IL4R: variants seen among roughly 807,000 people sequenced by gnomAD.
IL4R encodes the protein interleukin 4 receptor, also known as interleukin-4 receptor subunit alpha.
IL4R carries 17 observed loss-of-function variants against 41.5 expected under a neutral mutation model. The observed-to-expected ratio is 0.41, with a 90% CI of 0.28 to 0.61. The LOEUF is 0.61. Ranked by LOEUF, IL4R falls within the 20% of genes least tolerant of loss-of-function variation. The pLI is 0.31. For missense variants in IL4R, 974 were observed against 1,043.1 expected (o/e 0.93, Z 0.91); for synonymous variants, 402 against 422.9 (o/e 0.95, Z 0.61).
chr16:27,321,618 C>G (rs1280891284), intron 1 of IL4R, among the ~76,000 whole-genome samples: 1 of 152,198 alleles, frequency 6.6e-6, no homozygotes, highest in Non-Finnish European at 1.5e-5. Context: ...TGCTGTTAAT[C>G]CAAGTTTCTT....
intron 1 of IL4R, among the ~76,000 whole-genome samples, chr16:27,316,841 A>G (rs752751619): frequency 2.0e-5 from 3 of 152,106 alleles, no homozygotes; most frequent in Non-Finnish European, 4.4e-5. Context: ...ATGAGTTAAT[A>G]TATGTCAAGC....
intron 2 of IL4R, among the ~76,000 whole-genome samples, chr16:27,333,540 T>G (rs1229931778): frequency 6.6e-6 from 1 of 152,116 alleles, no homozygotes; most frequent in Non-Finnish European, 1.5e-5. Context: ...GGCCTCAGTT[T>G]CCTTAGCTAG....
In IL4R at chr16:27,352,625, G is replaced by T; in HGVS notation, c.599G>T (p.Arg200Leu). ...AAGTCTGGGATTTCCTACAGGGCAC[G>T]GGTGAGGGCCTGGGCTCAGTGCTAT... ...TLKSGISYRA[R>L]VRAWAQCYNT... The change falls in exon 7 of 11, where the codon CGG becomes CTG. Residue 200 changes from arginine (R) to leucine (L), a missense_variant. Arg to Leu is a moderately radical substitution (Grantham distance 102). Coordinates refer to ENST00000395762, the MANE Select transcript of IL4R (RefSeq NM_000418.4). 1 of 1,614,184 alleles carries T rather than the reference G, an allele frequency of 6.2e-7. No individual in the cohort carries two copies. Among genetic ancestry groups the T allele is most frequent in the East Asian group, 2.2e-5 (1 of 44,880 alleles).
At chr16:27,317,573 G>A (rs1439197622) in intron 1 of IL4R, among the ~76,000 whole-genome samples, 1 of 152,188 alleles carries the variant, frequency 6.6e-6, no homozygotes, top group Non-Finnish European at 1.5e-5. Flanking sequence ...GGCTTGAGGT[G>A]CTACAGAGGC....
chr16:27,352,471 G>A, intron 6 of IL4R, 69 bp from the exon 7 acceptor site: 1 of 1,394,448 alleles, frequency 7.2e-7, no homozygotes, highest in Non-Finnish European at 1.0e-6. Context: ...GCTAACGACA[G>A]CAACCAGGGT....
At chr16:27,341,955 C>A in intron 3 of IL4R, 166 bp from the exon 4 acceptor site, 1 of 647,684 alleles carries the variant, frequency 1.5e-6, no homozygotes, top group Non-Finnish European at 2.6e-6. Flanking sequence ...CCGACACTAG[C>A]TGGGAAGCTC....
chr16:27,326,946 T>A (rs1490752743), intron 1 of IL4R, among the ~76,000 whole-genome samples: 1 of 152,086 alleles, frequency 6.6e-6, no homozygotes, highest in Non-Finnish European at 1.5e-5. Context: ...AAACCCCAGT[T>A]CTAGGTAGGT....
In IL4R at chr16:27,362,291, T is replaced by C. The variant is rs2234897; in HGVS notation, c.939T>C (p.Phe313=). ...KNCLTKLLPC[F]LEHNMKRDED... is the part of the protein sequence containing the mutation. The stretch of plus-strand genomic sequence containing the variant: ...GTCTTACCAAGCTCTTGCCCTGTTT[T>C]CTGGAGCACAACATGAAAAGGGATG... Residue 313 remains phenylalanine, a synonymous_variant, in exon 11 of 11, where the codon TTT becomes TTC. Transcript: ENST00000395762. The C allele has an allele frequency of 0.023, 37,879 of 1,614,140 alleles. 557 individuals carry two copies. Among genetic ancestry groups the C allele is most frequent in the Non-Finnish European group, 0.026 (30,452 of 1,180,016 alleles).
At chr16:27,350,326 A>G (rs554329667) in intron 6 of IL4R, among the ~76,000 whole-genome samples, 1 of 152,232 alleles carries the variant, frequency 6.6e-6, no homozygotes, top group East Asian at 1.9e-4. Context: ...AAGACAAAAG[A>G]GAGTGAGAAT....
chr16:27,339,650 G>A (rs1261720748), intron 2 of IL4R, among the ~76,000 whole-genome samples: 4 of 152,138 alleles, frequency 2.6e-5, no homozygotes, highest in African/African-American at 9.7e-5. Context: ...GCATCTCCCA[G>A]GACAGTTGTT....
chr16:27,315,929 AC>A, intron 1 of IL4R, among the ~76,000 whole-genome samples: 1 of 152,246 alleles, frequency 6.6e-6, no homozygotes, highest in East Asian at 1.9e-4. Context: ...GTCCGAGATA[AC>A]CTAAGGGTTT....
chr16:27,332,755 G>T (rs1249368744), intron 2 of IL4R, among the ~76,000 whole-genome samples: 1 of 151,036 alleles, frequency 6.6e-6, no homozygotes, highest in Non-Finnish European at 1.5e-5. Context: ...ACTCTAGATG[G>T]AAACAGATTA....
At chr16:27,331,102 G>A (rs2085101847) in intron 2 of IL4R, among the ~76,000 whole-genome samples, 1 of 152,042 alleles carries the variant, frequency 6.6e-6, no homozygotes, top group South Asian at 2.1e-4. Flanking sequence ...ACCCTCAAAA[G>A]CTGCCCACTG....
chr16:27,355,076 C>T, intron 7 of IL4R: 2 of 442,748 alleles, frequency 4.5e-6, no homozygotes, highest in South Asian at 1.6e-5. Context: ...ACTGGGGAAT[C>T]GGCGATGAAC....
intron 1 of IL4R, among the ~76,000 whole-genome samples, chr16:27,319,948 C>T (rs1159523239): frequency 1.3e-5 from 2 of 152,130 alleles, no homozygotes; most frequent in Non-Finnish European, 2.9e-5. Context: ...TGGCTCACTG[C>T]AATCTCCACC....
At chr16:27,319,694 C>T in intron 1 of IL4R, among the ~76,000 whole-genome samples, 1 of 152,158 alleles carries the variant, frequency 6.6e-6, no homozygotes, top group African/African-American at 2.4e-5. Context: ...GGCCACACAG[C>T]AGGAGGTGAG....
intron 2 of IL4R, among the ~76,000 whole-genome samples, chr16:27,338,198 G>A (rs926749031): frequency 3.3e-5 from 5 of 150,142 alleles, no homozygotes; most frequent in Admixed American, 2.0e-4. Flanking sequence ...CTCGTGATCC[G>A]CCCACCTCAG....
At chr16:27,348,126 C>G (rs1189080198) in intron 6 of IL4R, among the ~76,000 whole-genome samples, 1 of 152,258 alleles carries the variant, frequency 6.6e-6, no homozygotes, top group Non-Finnish European at 1.5e-5. Flanking sequence ...ACTGCTTCCT[C>G]TCAATCTGGC....
intron 3 of IL4R, 125 bp from the exon 4 acceptor site, chr16:27,341,987 CAGCTCTGTG>C: frequency 1.1e-6 from 1 of 935,926 alleles, no homozygotes; most frequent in East Asian, 2.5e-5. Flanking sequence ...GTCCTGGCCC[CAGCTCTGTG>C]GGCGCTGGCC....
Sources: allele counts gnomAD v4.1 joint callset (sites outside exome capture counted in the v4.1 genomes callset), GRCh38; gene constraint gnomAD v4.1.1; transcripts MANE v1.5; gene names NCBI Gene and HGNC (gene_info 2026-07-23, HGNC 2026-07-21).